Variants in NEO1 observed in about 807,000 individuals in gnomAD.
NEO1 encodes neogenin.
In NEO1, 63 loss-of-function variants were observed where a neutral mutation model predicts 159.7. That is an observed-to-expected ratio of 0.39 (90% CI 0.32 to 0.49). NEO1 has a LOEUF of 0.49. Among genes scored for constraint, NEO1 ranks in the 20% least tolerant of loss-of-function variants. The pLI is 0.85. For missense variants in NEO1, 1,615 were observed against 1,831.0 expected (o/e 0.88, Z 2.15); for synonymous variants, 633 against 662.0 (o/e 0.96, Z 0.67).
intron 3 of NEO1, among the ~76,000 whole-genome samples, chr15:73,126,044 A>G (rs1163184967): frequency 2.6e-5 from 4 of 152,320 alleles, no homozygotes; most frequent in South Asian, 4.1e-4. Flanking sequence ...GGCAGGAGCA[A>G]TAAGTTATAC....
intron 5 of NEO1, among the ~76,000 whole-genome samples, chr15:73,173,876 G>GGCAA: frequency 6.6e-6 from 1 of 152,150 alleles, no homozygotes; most frequent in Admixed American, 6.5e-5. Context: ...GAGGCAGGTG[G>GGCAA]ATCACCTGAG....
intron 5 of NEO1, among the ~76,000 whole-genome samples, chr15:73,156,852 A>G (rs886493798): frequency 1.3e-5 from 2 of 152,104 alleles, no homozygotes; most frequent in East Asian, 1.9e-4. Context: ...AGGCCTCCCA[A>G]TGGTGGGTGC....
chr15:73,256,660 G>A (rs1252892972), intron 13 of NEO1, among the ~76,000 whole-genome samples: 1 of 152,150 alleles, frequency 6.6e-6, no homozygotes, highest in Non-Finnish European at 1.5e-5. Context: ...GTGAATGTTT[G>A]TCTCCAGGGG....
chr15:73,271,076 C>T (rs187315147), intron 18 of NEO1, among the ~76,000 whole-genome samples: 1 of 152,160 alleles, frequency 6.6e-6, no homozygotes. Context: ...CTATTTCTCT[C>T]CTATATGAAT....
intron 7 of NEO1, among the ~76,000 whole-genome samples, chr15:73,217,732 G>C (rs980705250): frequency 1.3e-5 from 2 of 152,084 alleles, no homozygotes; most frequent in Admixed American, 1.3e-4. Flanking sequence ...CTCTCTGTTT[G>C]TTATTGGTGT....
intron 7 of NEO1, among the ~76,000 whole-genome samples, chr15:73,226,373 G>A (rs1160753240): frequency 6.6e-6 from 1 of 152,142 alleles, no homozygotes; most frequent in Non-Finnish European, 1.5e-5. Context: ...CTTTTAAAGC[G>A]GCTCTCTGCT....
chr15:73,129,456 T>C (rs753419230), intron 4 of NEO1, among the ~76,000 whole-genome samples: 3 of 152,212 alleles, frequency 2.0e-5, no homozygotes, highest in Non-Finnish European at 2.9e-5. Flanking sequence ...ATCTTAAGAC[T>C]TCTTTGAAAG....
rs550035741 is a variant in NEO1 at position 73,263,243 on chromosome 15, G to C, written c.2398+2778G>C. Among the ~76,000 whole-genome samples the C allele has an allele frequency of 1.5e-3, 228 of 149,768 alleles. 1 individual carries two copies. The highest frequency in any genetic ancestry group is 5.3e-3 in the African/African-American group (214 of 40,556). The stretch of plus-strand genomic sequence containing the variant: ...GCATCTCACTCTGTTGCCCAGGCTG[G>C]AGGGCAGTGGCGCGATCTCAGCTCA... On this transcript the variant is annotated intron_variant, in intron 15 of 28. Transcript: ENST00000261908.
chr15:73,243,385 G>T (rs1335868165), intron 8 of NEO1, among the ~76,000 whole-genome samples: 7 of 152,292 alleles, frequency 4.6e-5, no homozygotes, highest in Middle Eastern at 3.4e-3. Flanking sequence ...CAATAAATTA[G>T]AATAATTTCT....
chr15:73,122,472 T>A (rs2071727631), intron 2 of NEO1, 53 bp from the exon 3 acceptor site: 1 of 1,541,544 alleles, frequency 6.5e-7, no homozygotes, highest in Non-Finnish European at 8.8e-7. Context: ...CAAGACAAAA[T>A]TTTAAAGTAA....
chr15:73,301,286 T>G, intron 27 of NEO1, 35 bp from the exon 28 acceptor site: 2 of 1,613,682 alleles, frequency 1.2e-6, no homozygotes, highest in Non-Finnish European at 1.7e-6. Context: ...GGAGGCAGGC[T>G]TGGCCACATA....
intron 4 of NEO1, among the ~76,000 whole-genome samples, chr15:73,127,087 T>A (rs1367566812): frequency 6.6e-6 from 1 of 152,004 alleles, no homozygotes; most frequent in Non-Finnish European, 1.5e-5. Flanking sequence ...AAAAATTAGC[T>A]GGGCGTTGTG....
intron 7 of NEO1, among the ~76,000 whole-genome samples, chr15:73,234,700 C>T (rs1421072218): frequency 6.6e-6 from 1 of 152,022 alleles, no homozygotes; most frequent in Non-Finnish European, 1.5e-5. Flanking sequence ...ATTCTTATAA[C>T]AATCTGCACT....
chr15:73,244,529 C>T, intron 9 of NEO1, 31 bp downstream of exon 9: 1 of 1,607,872 alleles, frequency 6.2e-7, no homozygotes, highest in Non-Finnish European at 8.5e-7. Flanking sequence ...TCAGCACCCC[C>T]TAGAGGTAGA....
intron 5 of NEO1, among the ~76,000 whole-genome samples, chr15:73,147,788 G>T (rs2033033309): frequency 6.8e-6 from 1 of 147,914 alleles, no homozygotes. Flanking sequence ...TTCTTTTATT[G>T]TATATATTCA....
chr15:73,195,380 G>GACT (rs2036480310), intron 7 of NEO1, among the ~76,000 whole-genome samples: 1 of 152,130 alleles, frequency 6.6e-6, no homozygotes, highest in African/African-American at 2.4e-5. Flanking sequence ...GCTGCTTATA[G>GACT]ACTAGCTTTC....
At chr15:73,279,351 G>T (rs28669801) in intron 22 of NEO1, among the ~76,000 whole-genome samples, 48,173 of 119,532 alleles carry the variant, frequency 0.4, 9,725 homozygotes, top group East Asian at 0.65. Flanking sequence ...TTTGGTTTTG[G>T]TTTTTTTTTT....
chr15:73,144,526 T>C (rs1254590490), intron 5 of NEO1, among the ~76,000 whole-genome samples: 1 of 152,226 alleles, frequency 6.6e-6, no homozygotes, highest in Non-Finnish European at 1.5e-5. Context: ...TGCCCGTTCC[T>C]TTTGTTTTGC....
intron 5 of NEO1, among the ~76,000 whole-genome samples, chr15:73,158,139 C>T (rs1362417093): frequency 6.8e-6 from 1 of 146,736 alleles, no homozygotes; most frequent in Non-Finnish European, 1.5e-5. Context: ...TGCTTGAACT[C>T]GGGAGGCAGA....
Sources: allele counts gnomAD v4.1 joint callset (sites outside exome capture counted in the v4.1 genomes callset), GRCh38; gene constraint gnomAD v4.1.1; transcripts MANE v1.5; gene names NCBI Gene and HGNC (gene_info 2026-07-23, HGNC 2026-07-21).